MPP3: variants seen among roughly 807,000 people sequenced by gnomAD.
MPP3 encodes the protein MAGUK p55 subfamily member 3.
In MPP3, 48 loss-of-function variants were observed where a neutral mutation model predicts 80.7. The ratio of observed to expected loss-of-function variants is 0.59; its 90% CI spans 0.47 to 0.76. The LOEUF is 0.76. Ranked by LOEUF, MPP3 falls within the 30% of genes least tolerant of loss-of-function variation. The probability of loss-of-function intolerance (pLI) is 0.00; values close to 1 mark genes in which losing one functional copy is unlikely to be tolerated. For missense variants in MPP3, 620 were observed against 763.0 expected (o/e 0.81, Z 2.21); for synonymous variants, 311 against 297.6 (o/e 1.04, Z -0.46).
At chr17:43,801,954 T>C in intron 19 of MPP3, 77 bp from the exon 20 acceptor site, 1 of 1,462,210 alleles carries the variant, frequency 6.8e-7, no homozygotes, top group Non-Finnish European at 9.2e-7. Flanking sequence ...TCTTGAGCAA[T>C]GTTCCAACCT....
In MPP3 at chr17:43,808,989, C is replaced by T; in HGVS notation, c.1548G>A (p.Met516Ile). 4 of 1,610,080 alleles carry T rather than the reference C, an allele frequency of 2.5e-6. No homozygotes were observed. The highest frequency in any genetic ancestry group is 3.4e-6 in the Non-Finnish European group (4 of 1,179,088). ...AIQEKRKTPPMSPACEDTAAP... is the reference protein window; with the variant it reads ...AIQEKRKTPPISPACEDTAAP... The stretch of plus-strand genomic sequence containing the variant: ...CTGCTGTGTCCTCACAAGCTGGGGA[C>T]ATAGGTGGCGTTTTTCTTTTTTCCT... Residue 516 changes from methionine (M) to isoleucine (I), a missense_variant, in exon 19 of 20, where the codon ATG becomes ATA. By Grantham distance (10) the Met-to-Ile change is conservative (BLOSUM62 1). Transcript: ENST00000398389.
chr17:43,813,935 G>C, intron 16 of MPP3, 76 bp downstream of exon 16: 2 of 1,225,696 alleles, frequency 1.6e-6, no homozygotes, highest in Middle Eastern at 4.1e-4. Context: ...GATTTGGATG[G>C]ATCTGGGGAG....
chr17:43,815,967 T>G, intron 14 of MPP3, 71 bp downstream of exon 14: 2 of 1,361,492 alleles, frequency 1.5e-6, no homozygotes, highest in Non-Finnish European at 2.0e-6. Flanking sequence ...CACCCTGCTT[T>G]GACCTCTCCC....
chr17:43,814,316 C>A lies in MPP3; in HGVS notation c.1055G>T (p.Gly352Val), dbSNP rs200185422. Residue 352 changes from glycine (G) to valine (V), a missense_variant, in exon 15 of 20, where the codon GGT becomes GTT. Transcript: ENST00000398389. ...SFRLGCRERL[G>V]GSQEGKMSSG... ...GGACATCTTTCCTTCCTGCGAGCCA[C>A]CCAGTCTCTCCCTACAGCCCAGCCG... is the stretch of plus-strand genomic sequence containing the variant. The A allele has an allele frequency of 1.9e-6, 3 of 1,610,796 alleles. No individual in the cohort carries two copies. In the South Asian group the frequency reaches 3.3e-5, roughly 18 times the overall value.
chr17:43,803,511 C>G (rs184795332), intron 19 of MPP3, among the ~76,000 whole-genome samples: 1 of 152,240 alleles, frequency 6.6e-6, no homozygotes, highest in East Asian at 1.9e-4. Flanking sequence ...TCCGTCACCC[C>G]CAGGTTGGAT....
intron 9 of MPP3, among the ~76,000 whole-genome samples, chr17:43,824,622 C>T (rs996175235): frequency 3.9e-5 from 6 of 152,180 alleles, no homozygotes; most frequent in Non-Finnish European, 8.8e-5. Context: ...AAAAGATCAC[C>T]TCCTGGCCTC....
chr17:43,817,953 C>T, intron 12 of MPP3, 93 bp downstream of exon 12: 5 of 1,186,876 alleles, frequency 4.2e-6, no homozygotes, highest in Non-Finnish European at 6.0e-6. Flanking sequence ...CTGATGCCCC[C>T]TCCAGCCCAC....
At chr17:43,825,551 G>A (rs530082766) in intron 9 of MPP3, 29 of 551,104 alleles carry the variant, frequency 5.3e-5, no homozygotes, top group African/African-American at 4.9e-4. Context: ...AGGTCTAAGA[G>A]AGGCAGATGG....
chr17:43,818,834 G>A (rs935739104), intron 11 of MPP3, among the ~76,000 whole-genome samples: 1 of 151,802 alleles, frequency 6.6e-6, no homozygotes, highest in African/African-American at 2.4e-5. Flanking sequence ...GCTGAGGCAG[G>A]AGAATCCAGG....
chr17:43,812,712 T>C (rs2044923947), intron 16 of MPP3, among the ~76,000 whole-genome samples: 1 of 152,180 alleles, frequency 6.6e-6, no homozygotes, highest in Non-Finnish European at 1.5e-5. Context: ...TAGAAGCAGG[T>C]GGGCCTGACC....
At chr17:43,823,730 T>C (rs953029789) in intron 10 of MPP3, among the ~76,000 whole-genome samples, 1 of 152,212 alleles carries the variant, frequency 6.6e-6, no homozygotes, top group Non-Finnish European at 1.5e-5. Context: ...CGTCAAATCC[T>C]GTTTAGAAAG....
At chr17:43,821,450 G>A (rs1363063793) in intron 10 of MPP3, among the ~76,000 whole-genome samples, 25 of 152,226 alleles carry the variant, frequency 1.6e-4, no homozygotes, top group Admixed American at 1.6e-3. Flanking sequence ...TACGCCAACT[G>A]CGCTGACGGA....
intron 19 of MPP3, among the ~76,000 whole-genome samples, chr17:43,805,644 A>T (rs1423213363): frequency 6.6e-6 from 1 of 152,250 alleles, no homozygotes; most frequent in African/African-American, 2.4e-5. Flanking sequence ...TTGATACATG[A>T]ATGAACTTTA....
chr17:43,805,960 G>A (rs1449192258), intron 19 of MPP3, among the ~76,000 whole-genome samples: 1 of 152,164 alleles, frequency 6.6e-6, no homozygotes. Flanking sequence ...CAGTAAAGCT[G>A]TTAACTCCCC....
At chr17:43,824,223 T>C (rs779362707) in intron 9 of MPP3, among the ~76,000 whole-genome samples, 1 of 152,210 alleles carries the variant, frequency 6.6e-6, no homozygotes, top group Non-Finnish European at 1.5e-5. Flanking sequence ...ATTTTTATTA[T>C]TTTTAAGCCA....
rs376928948 is a variant in MPP3, at chr17:43,829,570, C to T, written c.441+84G>A. 799 of 1,522,074 alleles carry T rather than the reference C, an allele frequency of 5.2e-4. 15 individuals are homozygous for T. The South Asian group carries it at 7.9e-3, about 15-fold the overall frequency. 94.3% of individuals were successfully genotyped at this position (1,522,074 alleles called of 1,614,324 possible). A position where few individuals can be genotyped will look rare whatever the true frequency, so the allele number is the denominator to read the frequency against. On this transcript the variant is annotated intron_variant, in intron 7 of 19. Coordinates refer to ENST00000398389, the MANE Select transcript of MPP3 (RefSeq NM_001932.6). ...CTGCCGTCACTCACTCTGAAGACTT[C>T]GGGGAGGATCTTGTCCAGTGTTCTG...
At chr17:43,821,332 T>C (rs2045450616) in intron 10 of MPP3, among the ~76,000 whole-genome samples, 1 of 152,244 alleles carries the variant, frequency 6.6e-6, no homozygotes, top group Non-Finnish European at 1.5e-5. Flanking sequence ...CCTTATTTAC[T>C]TGACCAGCTG....
chr17:43,827,831 C>G lies in MPP3; in HGVS notation c.443G>C (p.Gly148Ala). The G allele has an allele frequency of 1.9e-6, 3 of 1,613,202 alleles. No individual in the cohort carries two copies. The highest frequency in any genetic ancestry group is 2.5e-6 in the Non-Finnish European group (3 of 1,179,994). Residue 148 changes from glycine to alanine, a missense_variant and splice_region_variant, in exon 8 of 20, where the codon GGT becomes GCT. Physicochemically the swap from Gly to Ala is moderately conservative, Grantham distance 60 (BLOSUM62 0). Coordinates refer to ENST00000398389, the MANE Select transcript of MPP3 (RefSeq NM_001932.6). ...GTGCTCGTCCCGCCGGATGGTGGCA[C>G]CCTGAACCCGAGACAGAAGAGACAG... ...VRLVKNKEPL[G>A]ATIRRDEHSG...
chr17:43,807,959 C>T (rs1188670487), intron 19 of MPP3, among the ~76,000 whole-genome samples: 1 of 149,602 alleles, frequency 6.7e-6, no homozygotes, highest in Non-Finnish European at 1.5e-5. Flanking sequence ...GATCCTGTCC[C>T]CAAAAAAATA....
Sources: allele counts gnomAD v4.1 joint callset (sites outside exome capture counted in the v4.1 genomes callset), GRCh38; gene constraint gnomAD v4.1.1; transcripts MANE v1.5; gene names NCBI Gene and HGNC (gene_info 2026-07-23, HGNC 2026-07-21).